Variants in SI observed in about 807,000 individuals in gnomAD.
SI encodes sucrase-isomaltase.
A neutral mutation model predicts 253.3 loss-of-function variants in SI; 235 were observed. The ratio of observed to expected loss-of-function variants is 0.93; its 90% CI spans 0.83 to 1.03. The LOEUF (loss-of-function observed/expected upper bound fraction) is 1.03. Among genes scored for constraint, SI ranks in the 50% least tolerant of loss-of-function variants. SI has a pLI of 0.00. For missense variants in SI, 2,442 were observed against 2,211.1 expected, an observed-to-expected ratio of 1.10 and a Z score of -2.09; for synonymous variants, 819 against 712.0, an observed-to-expected ratio of 1.15 and a Z score of -2.39.
intron 12 of SI, among the ~76,000 whole-genome samples, chr3:165,058,122 A>G (rs1713789254): frequency 1.3e-5 from 2 of 152,022 alleles, no homozygotes; most frequent in South Asian, 2.1e-4. Flanking sequence ...TCAGAAATAA[A>G]TAACAAGAAT....
intron 13 of SI, among the ~76,000 whole-genome samples, chr3:165,050,567 T>A (rs141430017): frequency 4.6e-5 from 7 of 152,218 alleles, no homozygotes; most frequent in Admixed American, 1.3e-4. Context: ...CCCAGTTAAG[T>A]CTTTGCACTA....
At chr3:165,075,089 A>C (rs978003504) in intron 2 of SI, among the ~76,000 whole-genome samples, 1 of 152,008 alleles carries the variant, frequency 6.6e-6, no homozygotes, top group Admixed American at 6.6e-5. Context: ...TATTCAAATT[A>C]TCCCTTGCAA....
intron 2 of SI, among the ~76,000 whole-genome samples, chr3:165,075,511 T>G (rs1375581782): frequency 6.6e-6 from 1 of 151,960 alleles, no homozygotes; most frequent in Non-Finnish European, 1.5e-5. Context: ...CAAAGAATAT[T>G]TGCTAAAATC....
At chr3:165,038,372 A>G (rs1712644157) in intron 20 of SI, among the ~76,000 whole-genome samples, 1 of 151,968 alleles carries the variant, frequency 6.6e-6, no homozygotes, top group South Asian at 2.1e-4. Flanking sequence ...AATAAAGGGT[A>G]TACTTAGCCA....
chr3:165,087,156 C>CA, the SI span, among the ~76,000 whole-genome samples: 475 of 151,090 alleles, frequency 3.1e-3, 12 homozygotes, highest in Admixed American at 0.023. Flanking sequence ...AACAAACAAA[C>CA]AAAAAACTGT....
intron 40 of SI, 79 bp from the exon 41 acceptor site, chr3:164,994,484 CT>C (rs1176308820): frequency 2.7e-6 from 4 of 1,457,362 alleles, no homozygotes; most frequent in South Asian, 2.3e-5. Flanking sequence ...ATTTGAAGAA[CT>C]AAAAAGTAAG....
the SI span, among the ~76,000 whole-genome samples, chr3:165,084,688 A>G: frequency 1.3e-5 from 2 of 151,890 alleles, no homozygotes. Flanking sequence ...TCTTTCTCCT[A>G]CTTCCATATT....
chr3:164,992,383 T>G lies in SI; in HGVS notation c.4856A>C (p.Lys1619Thr). The change falls in exon 42 of 48, where the codon AAA becomes ACA. Residue 1619 changes from lysine to threonine, a missense_variant. Coordinates refer to ENST00000264382, the MANE Select transcript of SI (RefSeq NM_001041.4). ...CTGCTTGAATATATCCCAGGTTGGT[T>G]TTTCATCAAAGAACCTCGACAAAAT... ...RPLLHEFFDEKPTWDIFKQFL... is the reference protein window; with the variant it reads ...RPLLHEFFDETPTWDIFKQFL... The G allele has an allele frequency of 6.2e-7, 1 of 1,610,536 alleles. No individual in the cohort carries two copies. The highest frequency in any genetic ancestry group is 8.5e-7 in the Non-Finnish European group (1 of 1,178,324).
Position 165,021,250 on chromosome 3 carries a change from C to A in SI, c.3233G>T (p.Arg1078Leu). The change falls in exon 27 of 48, where the codon CGG becomes CTG. Residue 1078 changes from arginine to leucine, a missense_variant. Coordinates refer to ENST00000264382, the MANE Select transcript of SI (RefSeq NM_001041.4). Reference sequence around the variant, plus strand: ...TTACATGACTCTTCCACTGCTTCTCCGTCGAATCTGGATGCCAAAAGGATT... The same window carrying A: ...TTACATGACTCTTCCACTGCTTCTCAGTCGAATCTGGATGCCAAAAGGATT... ...KENPFGIQIR[R>L]RSSGRVIWDS... 6.2e-7 allele frequency: 1 copy of A among 1,610,966 alleles called. No individual in the cohort carries two copies. The highest frequency in any genetic ancestry group is 1.3e-5 in the African/African-American group (1 of 74,824).
intron 24 of SI, among the ~76,000 whole-genome samples, chr3:165,031,622 C>T (rs1272245008): frequency 1.3e-5 from 2 of 149,238 alleles, no homozygotes; most frequent in African/African-American, 4.9e-5. Context: ...ATTGAAAAGC[C>T]CTGGGCCAGA....
chr3:165,086,245 A>T, the SI span, among the ~76,000 whole-genome samples: 1 of 151,992 alleles, frequency 6.6e-6, no homozygotes, highest in South Asian at 2.1e-4. Context: ...ACAAAGCAAG[A>T]CTCCGTCTCA....
chr3:164,998,113 T>C (rs1324152795), intron 38 of SI, among the ~76,000 whole-genome samples: 2 of 151,858 alleles, frequency 1.3e-5, no homozygotes, highest in African/African-American at 4.8e-5. Flanking sequence ...ATACTGCTTT[T>C]CACAATAGTT....
the SI span, among the ~76,000 whole-genome samples, chr3:165,090,121 C>T: frequency 1.2e-4 from 17 of 147,600 alleles, 1 homozygote; most frequent in East Asian, 3.5e-3. Context: ...AGGGTGGAGG[C>T]TTTATAATTA....
intron 37 of SI, among the ~76,000 whole-genome samples, chr3:165,005,025 C>T (rs542836081): frequency 6.6e-6 from 1 of 152,244 alleles, no homozygotes; most frequent in Admixed American, 6.5e-5. Context: ...ATCACTATCT[C>T]TGTCTCCTAA....
chr3:165,043,361 T>C (rs1712948202), intron 16 of SI, among the ~76,000 whole-genome samples, 186 bp from the exon 17 acceptor site: 1 of 152,038 alleles, frequency 6.6e-6, no homozygotes. Flanking sequence ...TGCATTATTT[T>C]ATATGTTCTT....
intron 37 of SI, among the ~76,000 whole-genome samples, chr3:165,001,625 G>T (rs956620582): frequency 6.6e-6 from 1 of 151,238 alleles, no homozygotes; most frequent in Admixed American, 6.6e-5. Flanking sequence ...TATACCAATT[G>T]TATCAATGTT....
At chr3:165,046,325 G>T (rs1713111206) in intron 16 of SI, among the ~76,000 whole-genome samples, 1 of 151,874 alleles carries the variant, frequency 6.6e-6, no homozygotes, top group Non-Finnish European at 1.5e-5. Flanking sequence ...GTTTTTGTTT[G>T]ATAGAGTTAG....
chr3:165,001,890 T>G (rs558485357), intron 37 of SI, among the ~76,000 whole-genome samples: 10 of 151,676 alleles, frequency 6.6e-5, no homozygotes, highest in African/African-American at 1.7e-4. Flanking sequence ...TTCCAGAAAG[T>G]TACATTAAAT....
Position 165,059,310 on chromosome 3 carries a change from G to C in SI, c.1147-11C>G. 3 of 1,611,216 alleles carry C rather than the reference G, an allele frequency of 1.9e-6. No individual in the cohort carries two copies. The highest frequency in any genetic ancestry group is 2.5e-6 in the Non-Finnish European group (3 of 1,178,016). On this transcript the variant is annotated splice_polypyrimidine_tract_variant and intron_variant, in intron 10 of 47. Transcript: ENST00000264382. Reference sequence around the variant, plus strand: ...AGTGACCTGTGTATCCTGAAAGTTAGAAGATTGTATTTCAATACATAGTAC... The same window carrying C: ...AGTGACCTGTGTATCCTGAAAGTTACAAGATTGTATTTCAATACATAGTAC...
Sources: allele counts gnomAD v4.1 joint callset (sites outside exome capture counted in the v4.1 genomes callset), GRCh38; gene constraint gnomAD v4.1.1; transcripts MANE v1.5; gene names NCBI Gene and HGNC (gene_info 2026-07-23, HGNC 2026-07-21).